The following ESRRG variants were observed in gnomAD, a reference collection of about 807,000 sequenced individuals.
ESRRG encodes estrogen related receptor gamma.
In ESRRG, 13 loss-of-function variants were observed where a neutral mutation model predicts 44.0. The observed-to-expected ratio is 0.30, with a 90% CI of 0.19 to 0.47. ESRRG has a LOEUF of 0.47. ESRRG is among the 20% of genes least tolerant of loss of function. The pLI is 1.00. For missense variants in ESRRG, 395 were observed against 580.6 expected, an observed-to-expected ratio of 0.68 and a Z score of 3.29; for synonymous variants, 215 against 214.6, an observed-to-expected ratio of 1.00 and a Z score of -0.02.
chr1:216,519,512 G>A, intron 5 of ESRRG, 91 bp from the exon 6 acceptor site: 2 of 1,256,298 alleles, frequency 1.6e-6, no homozygotes, highest in South Asian at 2.8e-5. Flanking sequence ...TTCTGCATCA[G>A]TGCTCAAAAT....
chr1:217,050,047 T>C (rs1050562806), intron 1 of ESRRG, among the ~76,000 whole-genome samples: 1 of 152,148 alleles, frequency 6.6e-6, no homozygotes, highest in Non-Finnish European at 1.5e-5. Flanking sequence ...GGAGCAAACG[T>C]CACTGTAAGT....
chr1:216,506,892 T>C lies in ESRRG; in HGVS notation c.*47A>G, dbSNP rs1363581978. ...TCTTCGACATCACTCTTGGGTTTAT[T>C]TTCCCTTTTTCAACATGAAGGATGG... On this transcript the variant is annotated 3_prime_UTR_variant, in exon 7 of 7. Coordinates refer to ENST00000408911, the MANE Select transcript of ESRRG (RefSeq NM_001438.4). 2.5e-6 allele frequency: 4 copies of C among 1,579,484 alleles called. No individual in the cohort carries two copies. Among genetic ancestry groups the C allele is most frequent in the Non-Finnish European group, 3.4e-6 (4 of 1,165,470 alleles).
At chr1:216,952,681 TA>T (rs2067177371) in intron 1 of ESRRG, among the ~76,000 whole-genome samples, 1 of 152,134 alleles carries the variant, frequency 6.6e-6, no homozygotes, top group Non-Finnish European at 1.5e-5. Context: ...CAAAATTGGT[TA>T]AAAATACATG....
At chr1:216,860,940 G>T (rs893416329) in intron 2 of ESRRG, among the ~76,000 whole-genome samples, 1 of 152,080 alleles carries the variant, frequency 6.6e-6, no homozygotes, top group African/African-American at 2.4e-5. Context: ...AGAGCAAAAC[G>T]TGAAAAGAAT....
intron 3 of ESRRG, among the ~76,000 whole-genome samples, chr1:216,612,522 C>T (rs2060812580): frequency 6.6e-6 from 1 of 152,120 alleles, no homozygotes; most frequent in African/African-American, 2.4e-5. Context: ...TTTACAGTTC[C>T]TTCCTCTCCA....
At chr1:217,007,336 A>G (rs1453017058) in intron 1 of ESRRG, among the ~76,000 whole-genome samples, 3 of 152,132 alleles carry the variant, frequency 2.0e-5, no homozygotes, top group Non-Finnish European at 2.9e-5. Context: ...ATATTTTCCC[A>G]TACTTCTATG....
intron 2 of ESRRG, among the ~76,000 whole-genome samples, chr1:216,869,154 G>A (rs2196561): frequency 0.5 from 75,349 of 151,896 alleles, 21,434 homozygotes; most frequent in African/African-American, 0.79. Context: ...GATAATGATA[G>A]TTTTCTCTTA....
intron 3 of ESRRG, among the ~76,000 whole-genome samples, chr1:216,581,850 C>T (rs1049193151): frequency 1.3e-5 from 2 of 152,172 alleles, no homozygotes; most frequent in African/African-American, 2.4e-5. Context: ...TAAAATCATC[C>T]GATGTTTAAG....
chr1:216,681,393 A>G (rs1292242997), intron 1 of ESRRG, among the ~76,000 whole-genome samples: 1 of 152,106 alleles, frequency 6.6e-6, no homozygotes. Flanking sequence ...TGCTGCACCC[A>G]TTAACTCGTC....
At chr1:217,041,224 G>A (rs2083802919) in intron 1 of ESRRG, among the ~76,000 whole-genome samples, 1 of 152,060 alleles carries the variant, frequency 6.6e-6, no homozygotes, top group Non-Finnish European at 1.5e-5. Flanking sequence ...CAGAAACACT[G>A]TAAAAAGATC....
At position 216,921,172 on chromosome 1, in the gene ESRRG, T is replaced by C. The variant is rs538559295; in HGVS notation, c.-14+18410A>G. Among the ~76,000 whole-genome samples, 162 of 152,262 alleles carry C rather than the reference T, an allele frequency of 1.1e-3. 1 individual carries two copies. The highest frequency in any genetic ancestry group is 3.7e-3 in the African/African-American group (155 of 41,556). On this transcript the variant is annotated intron_variant, in intron 2 of 7. Transcript: ENST00000359162. ...GCAAGATTTTTTTCCCATTTGATGG[T>C]AAGAAAGACATCACGTAGATACCAG...
intron 2 of ESRRG, among the ~76,000 whole-genome samples, chr1:216,672,858 C>T (rs527472057): frequency 2.7e-5 from 4 of 149,350 alleles, no homozygotes; most frequent in African/African-American, 9.7e-5. Flanking sequence ...CACAGTGAGA[C>T]CCTGTCTCAA....
At chr1:216,666,016 A>C (rs2073845398) in intron 2 of ESRRG, among the ~76,000 whole-genome samples, 1 of 152,192 alleles carries the variant, frequency 6.6e-6, no homozygotes, top group South Asian at 2.1e-4. Context: ...TTACCAAAAA[A>C]AGAAAATAAA....
intron 2 of ESRRG, among the ~76,000 whole-genome samples, chr1:216,791,480 T>C (rs2094318071): frequency 1.3e-5 from 2 of 152,094 alleles, no homozygotes; most frequent in Admixed American, 6.6e-5. Context: ...TCAGGTATTT[T>C]TTTATAGCAG....
At chr1:216,830,323 C>T (rs896555418) in intron 2 of ESRRG, among the ~76,000 whole-genome samples, 4 of 152,110 alleles carry the variant, frequency 2.6e-5, no homozygotes, top group African/African-American at 7.2e-5. Context: ...CCTGTCAAGT[C>T]GAGAACGAAG....
At chr1:216,683,329 T>A (rs897157698) in intron 1 of ESRRG, among the ~76,000 whole-genome samples, 2 of 152,218 alleles carry the variant, frequency 1.3e-5, no homozygotes, top group African/African-American at 4.8e-5. Context: ...TACTTCTGTA[T>A]AATTTTAAGG....
intron 2 of ESRRG, among the ~76,000 whole-genome samples, chr1:216,746,970 TCA>T (rs1261768103): frequency 5.9e-5 from 9 of 152,180 alleles, no homozygotes; most frequent in Non-Finnish European, 1.3e-4. Context: ...TAGATTATTA[TCA>T]GTAATTATCA....
At chr1:216,626,372 T>A (rs1450214007) in intron 3 of ESRRG, among the ~76,000 whole-genome samples, 2 of 152,178 alleles carry the variant, frequency 1.3e-5, no homozygotes, top group Non-Finnish European at 2.9e-5. Flanking sequence ...TAAAGCATTT[T>A]TCCCATGACT....
At chr1:216,618,430 C>A (rs930239634) in intron 3 of ESRRG, among the ~76,000 whole-genome samples, 1 of 152,218 alleles carries the variant, frequency 6.6e-6, no homozygotes, top group Non-Finnish European at 1.5e-5. Context: ...GGAATTGAAT[C>A]TGCCACCTTA....
Sources: allele counts gnomAD v4.1 joint callset (sites outside exome capture counted in the v4.1 genomes callset), GRCh38; gene constraint gnomAD v4.1.1; transcripts MANE v1.5; gene names NCBI Gene and HGNC (gene_info 2026-07-23, HGNC 2026-07-21).